BFAR: variants seen among roughly 807,000 people sequenced by gnomAD.
The protein encoded by BFAR is bifunctional apoptosis regulator.
Under a neutral mutation model 54.4 loss-of-function variants are expected in BFAR, and 52 were observed. That is an observed-to-expected ratio of 0.96 (90% confidence interval 0.77 to 1.21). The LOEUF (loss-of-function observed/expected upper bound fraction) is 1.21. Ranked by LOEUF, BFAR falls within the 50% of genes most tolerant of loss-of-function variation. BFAR has a pLI of 0.00. For synonymous variants in BFAR, 215 were observed against 204.3 expected (o/e 1.05, Z -0.45); for missense variants, 571 against 534.0 (o/e 1.07, Z -0.68).
intron 3 of BFAR, among the ~76,000 whole-genome samples, 158 bp from the exon 4 acceptor site, chr16:14,649,646 C>T (rs560745143): frequency 1.1e-4 from 17 of 152,206 alleles, no homozygotes; most frequent in South Asian, 2.1e-4. Flanking sequence ...TCTCTGTGGC[C>T]GTGGCGTTGC....
chr16:14,645,698 C>G (rs1959771947), intron 2 of BFAR, among the ~76,000 whole-genome samples: 1 of 152,162 alleles, frequency 6.6e-6, no homozygotes. Flanking sequence ...TAAATTTAAT[C>G]TTAAATTAAA....
intron 4 of BFAR, 117 bp from the exon 5 acceptor site, chr16:14,654,947 GAA>G (rs1342029737): frequency 9.3e-7 from 1 of 1,080,598 alleles, no homozygotes; most frequent in Non-Finnish European, 1.3e-6. Flanking sequence ...TGTTAAATGT[GAA>G]ATGTCTCACC....
chr16:14,635,751 C>A (rs1959412823), intron 1 of BFAR, among the ~76,000 whole-genome samples: 1 of 151,728 alleles, frequency 6.6e-6, no homozygotes, highest in Non-Finnish European at 1.5e-5. Context: ...ACTGGAAATG[C>A]TTCTCTCTCT....
rs1217639924 is a variant in BFAR, at chr16:14,662,034, G to T, written c.926G>T (p.Ser309Ile). ...IHTICPLQED[S>I]SGEDIVTKLL... The stretch of plus-strand genomic sequence containing the variant: ...ACCATCTGCCCTCTGCAAGAAGACA[G>T]CTCTGGGGAGGACATCGTCACCAAG... The change falls in exon 6 of 8, where the codon AGC (serine) becomes ATC (isoleucine). Residue 309 changes from serine to isoleucine, a missense_variant. Coordinates refer to ENST00000261658, the MANE Select transcript of BFAR (RefSeq NM_016561.3). 3 of 1,614,036 alleles carry T rather than the reference G, an allele frequency of 1.9e-6. No individual in the cohort carries two copies. The highest frequency in any genetic ancestry group is 1.1e-5 in the South Asian group (1 of 91,088).
At chr16:14,651,880 AT>A (rs35251866) in intron 4 of BFAR, among the ~76,000 whole-genome samples, 41,979 of 111,082 alleles carry the variant, frequency 0.38, 9,636 homozygotes, top group Middle Eastern at 0.53. Flanking sequence ...GACATGCCCA[AT>A]TTTTTTTTTT....
intron 1 of BFAR, among the ~76,000 whole-genome samples, chr16:14,633,914 A>T (rs2151833128): frequency 6.6e-6 from 1 of 152,272 alleles, no homozygotes; most frequent in South Asian, 2.1e-4. Context: ...CGGCCTCCCA[A>T]AGTGGGGAGA....
chr16:14,666,204 C>T (rs1269289759), intron 7 of BFAR, among the ~76,000 whole-genome samples: 1 of 152,112 alleles, frequency 6.6e-6, no homozygotes, highest in Non-Finnish European at 1.5e-5. Context: ...ATGAGTTCAC[C>T]CCACAACCAG....
chr16:14,667,782 T>A lies in BFAR; in HGVS notation c.1308T>A (p.Asp436Glu). The A allele has an allele frequency of 6.2e-7, 1 of 1,614,184 alleles. No individual in the cohort carries two copies. The highest frequency in any genetic ancestry group is 8.5e-7 in the Non-Finnish European group (1 of 1,180,040). The change falls in exon 8 of 8, where the codon GAT (aspartate) becomes GAA (glutamate). Residue 436 changes from aspartate (D) to glutamate (E), a missense_variant. Asp to Glu is a conservative substitution (Grantham distance 45). Coordinates refer to ENST00000261658, the MANE Select transcript of BFAR (RefSeq NM_016561.3). ...ACTTTAACCCAATTATTAACATTGATCTTGTGGTCAAGGAACTCCGGCGGC... is the reference window on the plus strand; with the variant it reads ...ACTTTAACCCAATTATTAACATTGAACTTGTGGTCAAGGAACTCCGGCGGC... Reference protein sequence around the residue: ...ALYFNPIINIDLVVKELRRLE... With the variant: ...ALYFNPIINIELVVKELRRLE...
intron 3 of BFAR, 132 bp from the exon 4 acceptor site, chr16:14,649,672 C>A: frequency 2.6e-6 from 2 of 755,152 alleles, no homozygotes; most frequent in African/African-American, 1.8e-5. Flanking sequence ...TTTTGTTGCC[C>A]TGCTTCTGTG....
Position 14,664,953 on chromosome 16 carries a change from G to C in BFAR, c.1042G>C (p.Ala348Pro). 1.2e-6 allele frequency: 2 copies of C among 1,614,008 alleles called. No homozygotes were observed. Among genetic ancestry groups the C allele is most frequent in the Non-Finnish European group, 1.7e-6 (2 of 1,179,892 alleles). ...TCCATACCAGCTGATTGCTGAGTTTGCTTGGGACTGGTTGGAGGTCCATTA... is the reference window on the plus strand; with the variant it reads ...TCCATACCAGCTGATTGCTGAGTTTCCTTGGGACTGGTTGGAGGTCCATTA... Reference protein sequence around the residue: ...FLPYQLIAEFAWDWLEVHYWT... With the variant: ...FLPYQLIAEFPWDWLEVHYWT... Residue 348 changes from alanine to proline, a missense_variant, in exon 7 of 8, where the codon GCT becomes CCT. Ala to Pro is a conservative substitution (Grantham distance 27). Coordinates refer to ENST00000261658, the MANE Select transcript of BFAR (RefSeq NM_016561.3).
At chr16:14,645,589 A>G (rs941162501) in intron 2 of BFAR, among the ~76,000 whole-genome samples, 24 of 152,188 alleles carry the variant, frequency 1.6e-4, no homozygotes, top group South Asian at 2.1e-4. Flanking sequence ...CTTGATTTCA[A>G]CAGAGTACTA....
chr16:14,648,337 A>G (rs1396303987), intron 2 of BFAR, 51 bp from the exon 3 acceptor site: 5 of 1,474,362 alleles, frequency 3.4e-6, no homozygotes, highest in East Asian at 2.3e-5. Flanking sequence ...GCCTCTAAAC[A>G]TGATATTTAG....
At chr16:14,644,858 G>T (rs542726986) in intron 2 of BFAR, among the ~76,000 whole-genome samples, 5 of 152,054 alleles carry the variant, frequency 3.3e-5, no homozygotes, top group African/African-American at 1.2e-4. Flanking sequence ...CGCACACTTG[G>T]AGCCCACCTC....
At chr16:14,643,512 G>T (rs756568933) in intron 1 of BFAR, among the ~76,000 whole-genome samples, 1 of 152,162 alleles carries the variant, frequency 6.6e-6, no homozygotes, top group Non-Finnish European at 1.5e-5. Flanking sequence ...TGCTGATTAT[G>T]TGGTTTATGG....
intron 2 of BFAR, 53 bp from the exon 3 acceptor site, chr16:14,648,335 A>G: frequency 6.8e-7 from 1 of 1,465,898 alleles, no homozygotes; most frequent in Non-Finnish European, 9.5e-7. Context: ...TGGCCTCTAA[A>G]CATGATATTT....
chr16:14,661,821 A>G, intron 5 of BFAR, 71 bp from the exon 6 acceptor site: 2 of 1,536,112 alleles, frequency 1.3e-6, no homozygotes, highest in South Asian at 2.3e-5. Context: ...CAAGCGAGAG[A>G]TGGGAAGGAG....
In BFAR at chr16:14,655,144, C is replaced by T. The variant is rs1433903769; in HGVS notation, c.717C>T (p.Ile239=). 1 of 1,612,218 alleles carries T rather than the reference C, an allele frequency of 6.2e-7. No homozygotes were observed. The highest frequency in any genetic ancestry group is 2.2e-5 in the East Asian group (1 of 44,786). ...AAAACAGCAGCCACAGGAGAGCCAT[C>T]CTCATGGAGCTAGAACGTGTCAAAG... The part of the protein sequence containing the change: ...TIENSSHRRA[I]LMELERVKAL... Residue 239 remains isoleucine, a synonymous_variant, in exon 5 of 8, where the codon ATC becomes ATT. Coordinates refer to ENST00000261658, the MANE Select transcript of BFAR (RefSeq NM_016561.3).
chr16:14,663,923 CT>C (rs907345588), intron 6 of BFAR, among the ~76,000 whole-genome samples: 13 of 151,672 alleles, frequency 8.6e-5, no homozygotes, highest in Non-Finnish European at 1.6e-4. Context: ...TCATTTCAAC[CT>C]TTTTGCTAAC....
chr16:14,639,021 T>A (rs928026053), intron 1 of BFAR, among the ~76,000 whole-genome samples: 10 of 152,080 alleles, frequency 6.6e-5, no homozygotes, highest in African/African-American at 2.4e-4. Flanking sequence ...TAAGAATGAT[T>A]GTATTAATTG....
Sources: allele counts gnomAD v4.1 joint callset (sites outside exome capture counted in the v4.1 genomes callset), GRCh38; gene constraint gnomAD v4.1.1; transcripts MANE v1.5; gene names NCBI Gene and HGNC (gene_info 2026-07-23, HGNC 2026-07-21).